NAALADL2: variants seen among roughly 807,000 people sequenced by gnomAD.
NAALADL2 encodes N-acetylated alpha-linked acidic dipeptidase like 2.
In NAALADL2, 76 loss-of-function variants were observed where a neutral mutation model predicts 87.2. The observed-to-expected ratio is 0.87, with a 90% confidence interval of 0.72 to 1.05. The LOEUF is 1.05. Ranked by LOEUF, NAALADL2 falls within the 50% of genes least tolerant of loss-of-function variation. The probability of loss-of-function intolerance (pLI) is 0.00; values close to 1 mark genes in which losing one functional copy is unlikely to be tolerated. For missense variants in NAALADL2, 1,089 were observed against 945.8 expected (o/e 1.15, Z -1.99); for synonymous variants, 354 against 331.0 (o/e 1.07, Z -0.75).
chr3:174,948,377 A>G (rs895375681), intron 1 of NAALADL2, among the ~76,000 whole-genome samples: 2 of 152,020 alleles, frequency 1.3e-5, no homozygotes, highest in East Asian at 1.9e-4. Flanking sequence ...GGGTTTCACC[A>G]TGTTGGCCAG....
At chr3:175,047,248 A>T (rs1754797158) in intron 1 of NAALADL2, among the ~76,000 whole-genome samples, 1 of 152,132 alleles carries the variant, frequency 6.6e-6, no homozygotes, top group African/African-American at 2.4e-5. Context: ...ATTGTTTTGG[A>T]TTCCCCCCAA....
intron 2 of NAALADL2, among the ~76,000 whole-genome samples, chr3:175,178,511 G>A (rs117444257): frequency 6.6e-6 from 1 of 152,144 alleles, no homozygotes; most frequent in East Asian, 1.9e-4. Context: ...ATTACAGATA[G>A]AGTCCAGTTT....
intron 2 of NAALADL2, among the ~76,000 whole-genome samples, chr3:175,157,354 A>G (rs971613063): frequency 3.3e-5 from 5 of 152,114 alleles, no homozygotes; most frequent in African/African-American, 4.8e-5. Flanking sequence ...TCTATTTTAC[A>G]TATCTTTCAA....
At chr3:174,858,119 T>C (rs947285993), upstream of NAALADL2, among the ~76,000 whole-genome samples, 21 of 148,284 alleles carry the variant, frequency 1.4e-4, no homozygotes, top group African/African-American at 5.1e-4. Flanking sequence ...ATAAAAATGT[T>C]TTTATATATT....
At chr3:174,519,879 A>G (rs532567634) in intron 1 of NAALADL2, among the ~76,000 whole-genome samples, 56 of 152,308 alleles carry the variant, frequency 3.7e-4, no homozygotes, top group African/African-American at 1.2e-3. Context: ...ACCCACAGCC[A>G]ACATCATACT....
chr3:175,803,239 T>C lies in NAALADL2; in HGVS notation c.*36T>C, dbSNP rs767037884. 32 of 1,495,692 alleles carry C rather than the reference T, an allele frequency of 2.1e-5. No homozygotes were observed. Among genetic ancestry groups the C allele is most frequent in the Non-Finnish European group, 2.8e-5 (31 of 1,102,766 alleles). 92.7% of individuals were successfully genotyped at this position (1,495,692 alleles called of 1,614,324 possible). Reference sequence around the variant, plus strand: ...AGCATTTTTAAAAGTTTGTTTACAATTCCACAAGCAAAAGCTCTAATTTAA... The same window carrying C: ...AGCATTTTTAAAAGTTTGTTTACAACTCCACAAGCAAAAGCTCTAATTTAA... On this transcript the variant is annotated 3_prime_UTR_variant, in exon 14 of 14. Transcript: ENST00000454872.
At chr3:174,553,552 T>G (rs550252722) in intron 2 of NAALADL2, among the ~76,000 whole-genome samples, 3 of 152,324 alleles carry the variant, frequency 2.0e-5, no homozygotes. Context: ...TTCATTAAAT[T>G]TAGACAGTGA....
intron 1 of NAALADL2, among the ~76,000 whole-genome samples, chr3:174,943,681 TGGAA>T (rs1424139516): frequency 1.3e-5 from 2 of 152,180 alleles, no homozygotes; most frequent in African/African-American, 4.8e-5. Context: ...CAACCCAAGA[TGGAA>T]GGTCTGTGTT....
At chr3:175,451,217 C>G (rs1403806574) in intron 6 of NAALADL2, among the ~76,000 whole-genome samples, 2 of 152,050 alleles carry the variant, frequency 1.3e-5, no homozygotes, top group Non-Finnish European at 2.9e-5. Flanking sequence ...AGCTATCTAA[C>G]TGATACAAAT....
intron 2 of NAALADL2, among the ~76,000 whole-genome samples, chr3:174,635,354 C>T (rs975025459): frequency 6.6e-6 from 1 of 152,052 alleles, no homozygotes; most frequent in East Asian, 1.9e-4. Context: ...TTTGAAAGTG[C>T]CTTGATAATA....
intron 2 of NAALADL2, among the ~76,000 whole-genome samples, chr3:174,713,810 T>C (rs1055733780): frequency 1.3e-5 from 2 of 151,980 alleles, no homozygotes; most frequent in Admixed American, 1.3e-4. Flanking sequence ...TTGAATTAGA[T>C]CCCATTTGTC....
chr3:175,060,043 T>G, intron 1 of NAALADL2: 4 of 365,700 alleles, frequency 1.1e-5, no homozygotes, highest in Non-Finnish European at 2.2e-5. Context: ...GTCAGCTGTA[T>G]TTGAGAGCTG....
intron 4 of NAALADL2, among the ~76,000 whole-genome samples, chr3:175,272,777 C>A (rs1393855499): frequency 1.3e-5 from 2 of 152,008 alleles, no homozygotes; most frequent in Non-Finnish European, 2.9e-5. Context: ...TCTACAAAAA[C>A]CTGAAGCTGT....
chr3:175,458,671 C>A (rs564060489), intron 6 of NAALADL2, among the ~76,000 whole-genome samples: 1 of 151,300 alleles, frequency 6.6e-6, no homozygotes, highest in Non-Finnish European at 1.5e-5. Context: ...TTTTCTCTAG[C>A]AGTTAGAAAT....
intron 1 of NAALADL2, among the ~76,000 whole-genome samples, chr3:174,530,654 A>G (rs1019280074): frequency 7.9e-5 from 12 of 152,218 alleles, no homozygotes; most frequent in African/African-American, 2.9e-4. Flanking sequence ...ATGGCAGCAG[A>G]TAAGAGAAGA....
chr3:174,704,765 G>A (rs1391366539), intron 2 of NAALADL2, among the ~76,000 whole-genome samples: 1 of 151,962 alleles, frequency 6.6e-6, no homozygotes, highest in Non-Finnish European at 1.5e-5. Context: ...GATAATATCA[G>A]ACCAATTCAT....
chr3:175,569,512 A>C (rs1006647264), intron 9 of NAALADL2, among the ~76,000 whole-genome samples: 1 of 152,054 alleles, frequency 6.6e-6, no homozygotes, highest in African/African-American at 2.4e-5. Flanking sequence ...AAAATCCCCA[A>C]TGTTGATGTT....
intron 3 of NAALADL2, among the ~76,000 whole-genome samples, chr3:174,779,185 A>T (rs1056051128): frequency 1.3e-5 from 2 of 152,138 alleles, no homozygotes; most frequent in Non-Finnish European, 2.9e-5. Context: ...CTGGCGTGAG[A>T]TGGTATCTCA....
intron 4 of NAALADL2, among the ~76,000 whole-genome samples, chr3:175,265,988 T>A (rs1751871547): frequency 6.6e-6 from 1 of 150,838 alleles, no homozygotes; most frequent in Non-Finnish European, 1.5e-5. Context: ...ATAGATCATA[T>A]ATATTATAGT....
Sources: gnomAD v4.1 joint callset for allele counts (sites outside exome capture counted in the v4.1 genomes callset) on GRCh38, gnomAD v4.1.1 for gene constraint, MANE v1.5 for transcripts, NCBI Gene and HGNC (gene_info 2026-07-23, HGNC 2026-07-21) for gene names.